The following CPM variants were observed in gnomAD, a reference collection of about 807,000 sequenced individuals.
The protein encoded by CPM is renal carboxypeptidase.
In CPM, 35 loss-of-function variants were observed where a neutral mutation model predicts 46.4. That is an observed-to-expected ratio of 0.75 (90% CI 0.58 to 1.00). The LOEUF is 1.00. Ranked by LOEUF, CPM falls within the 50% of genes least tolerant of loss-of-function variation. The probability of loss-of-function intolerance (pLI) is 0.00; values close to 1 mark genes in which losing one functional copy is unlikely to be tolerated. For synonymous variants in CPM, 195 were observed against 195.3 expected, an observed-to-expected ratio of 1.00 and a Z score of 0.01; for missense variants, 422 against 530.4, an observed-to-expected ratio of 0.80 and a Z score of 2.01.
chr12:68,901,187 A>G (rs909616894), intron 2 of CPM, among the ~76,000 whole-genome samples: 3 of 152,214 alleles, frequency 2.0e-5, no homozygotes, highest in African/African-American at 7.2e-5. Flanking sequence ...CAGTAGGTAC[A>G]GCAAATTTGC....
intron 2 of CPM, chr12:68,913,867 A>G (rs1395702615): frequency 1.5e-6 from 1 of 668,906 alleles, no homozygotes; most frequent in South Asian, 1.4e-5. Context: ...GGGGAATTAC[A>G]TCAAGAGCCA....
chr12:68,888,222 C>A (rs1275593297), intron 2 of CPM, among the ~76,000 whole-genome samples: 1 of 151,916 alleles, frequency 6.6e-6, no homozygotes. Context: ...TGCAAGCTGG[C>A]CTATTACATA....
At chr12:68,935,561 G>T (rs1473496486), upstream of CPM, among the ~76,000 whole-genome samples, 1 of 152,074 alleles carries the variant, frequency 6.6e-6, no homozygotes, top group Non-Finnish European at 1.5e-5. Context: ...AAAGTGCTGG[G>T]ATTACATGAG....
At chr12:68,925,770 G>A (rs1295250874) in intron 2 of CPM, among the ~76,000 whole-genome samples, 1 of 151,940 alleles carries the variant, frequency 6.6e-6, no homozygotes, top group Non-Finnish European at 1.5e-5. Flanking sequence ...CCTTTTGTAC[G>A]CAGGAAAAAA....
At position 68,929,205 on chromosome 12, in the gene CPM, C is replaced by T. The variant is rs74644387; in HGVS notation, c.160+3473G>A. Among the ~76,000 whole-genome samples the T allele has an allele frequency of 1.8e-4, 28 of 152,192 alleles. No homozygotes were observed. The East Asian group carries it at 5.0e-3, about 27-fold the overall frequency. On this transcript the variant is annotated intron_variant, in intron 2 of 8. Transcript: ENST00000551568. Reference sequence around the variant, plus strand: ...TGTGGAGAGACTACCCTGAGAAATTCACAGTAAATACATTTGTATTTGAAA... The same window carrying T: ...TGTGGAGAGACTACCCTGAGAAATTTACAGTAAATACATTTGTATTTGAAA...
At chr12:68,878,062 A>T (rs1377199295) in intron 3 of CPM, among the ~76,000 whole-genome samples, 1 of 152,242 alleles carries the variant, frequency 6.6e-6, no homozygotes, top group Admixed American at 6.5e-5. Flanking sequence ...GAATACAATA[A>T]ACTATAAACC....
chr12:68,857,699 C>A (rs1885039111), intron 8 of CPM, among the ~76,000 whole-genome samples: 1 of 152,086 alleles, frequency 6.6e-6, no homozygotes, highest in Non-Finnish European at 1.5e-5. Flanking sequence ...TTTCAATGTC[C>A]AGAGTCTTAC....
At chr12:68,891,605 T>C (rs1321986825) in intron 2 of CPM, among the ~76,000 whole-genome samples, 1 of 152,184 alleles carries the variant, frequency 6.6e-6, no homozygotes, top group Non-Finnish European at 1.5e-5. Flanking sequence ...CAAAGTGTGG[T>C]CATGGTACCA....
At position 68,852,892 on chromosome 12, in the gene CPM, AT is replaced by A; in HGVS notation, c.*3544del. 6.6e-6 allele frequency: 1 copy of A among 151,570 alleles called. No individual in the cohort carries two copies. Among genetic ancestry groups the A allele is most frequent in the Non-Finnish European group, 1.5e-5 (1 of 67,932 alleles). 9.4% of individuals were successfully genotyped at this position (151,570 alleles called of 1,614,324 possible). A position where few individuals can be genotyped will look rare whatever the true frequency, so the allele number is the denominator to read the frequency against. ...TTTCTAAATACCATTTCACTCCCAC[AT>A]TTTTCTCCCATCATGAAAGTGTGTA... On this transcript the variant is annotated 3_prime_UTR_variant, in exon 9 of 9. Transcript: ENST00000551568.
At position 68,871,531 on chromosome 12, in the gene CPM, G is replaced by A. The variant is rs144391561; in HGVS notation, c.431+253C>T. On this transcript the variant is annotated intron_variant, in intron 4 of 8. Coordinates refer to ENST00000551568, the MANE Select transcript of CPM (RefSeq NM_198320.5). Reference sequence around the variant, plus strand: ...AAGGAGGCCTAGAGGGGAGGAGGCAGGGGAGAGAGAAGGAGTGGCAAATGA... The same window carrying A: ...AAGGAGGCCTAGAGGGGAGGAGGCAAGGGAGAGAGAAGGAGTGGCAAATGA... Among the ~76,000 whole-genome samples, 134 of 152,280 alleles carry A rather than the reference G, an allele frequency of 8.8e-4. 1 individual carries two copies. Among genetic ancestry groups the A allele is most frequent in the Middle Eastern group, 3.4e-3 (1 of 294 alleles).
intron 2 of CPM, among the ~76,000 whole-genome samples, chr12:68,889,948 A>T (rs1886586524): frequency 6.6e-6 from 1 of 152,092 alleles, no homozygotes. Flanking sequence ...TCAGACTAGG[A>T]CACTTCCTGT....
chr12:68,858,962 C>A lies in CPM; in HGVS notation c.1050G>T (p.Glu350Asp). 1 of 1,546,922 alleles carries A rather than the reference C, an allele frequency of 6.5e-7. No homozygotes were observed. Among genetic ancestry groups the A allele is most frequent in the South Asian group, 1.3e-5 (1 of 78,748 alleles). Residue 350 changes from glutamate to aspartate, a missense_variant, in exon 8 of 9, where the codon GAG (glutamate) becomes GAT (aspartate). Physicochemically the swap from Glu to Asp is conservative, Grantham distance 45. Transcript: ENST00000551568. ...ACCCAGGCAAGAGAAGGAGATAATACTCTCCATATTTGTTGGTTCTATAGG... is the reference window on the plus strand; with the variant it reads ...ACCCAGGCAAGAGAAGGAGATAATAATCTCCATATTTGTTGGTTCTATAGG... ...ICPYRTNKYG[E>D]YYLLLLPGSY...
chr12:68,856,557 T>C lies in CPM; in HGVS notation c.1212A>G (p.Pro404=), dbSNP rs765545433. 7 of 1,614,142 alleles carry C rather than the reference T, an allele frequency of 4.3e-6. No individual in the cohort carries two copies. Among genetic ancestry groups the C allele is most frequent in the Non-Finnish European group, 5.9e-6 (7 of 1,180,048 alleles). ...TCATTGGGCATGAAGGATTTGATAC[T>C]GGGATAGAATCCAATTGCCCTTGGA... The part of the protein sequence containing the change: ...LPFQGQLDSI[P]VSNPSCPMIP... Residue 404 remains proline (P), a synonymous_variant, in exon 9 of 9, where the codon CCA becomes CCG. Coordinates refer to ENST00000551568, the MANE Select transcript of CPM (RefSeq NM_198320.5).
chr12:68,847,183 ATG>A (rs1429852956), downstream of CPM: 2 of 60,176 alleles, frequency 3.3e-5, no homozygotes, highest in African/African-American at 2.0e-4. Flanking sequence ...TTATGTATGT[ATG>A]TGTGTGTACA....
chr12:68,901,860 GAGA>G (rs1244859097), intron 2 of CPM, among the ~76,000 whole-genome samples: 2 of 152,074 alleles, frequency 1.3e-5, no homozygotes, highest in Non-Finnish European at 2.9e-5. Flanking sequence ...AGTATTACAG[GAGA>G]AGAAGGGGAG....
intron 3 of CPM, among the ~76,000 whole-genome samples, chr12:68,875,513 T>A (rs570107680): frequency 1.3e-5 from 2 of 151,236 alleles, no homozygotes; most frequent in Non-Finnish European, 2.9e-5. Flanking sequence ...TTTAGAAAAA[T>A]CTGATCATCA....
chr12:68,892,908 T>C (rs900814877), intron 2 of CPM, among the ~76,000 whole-genome samples: 1 of 150,308 alleles, frequency 6.7e-6, no homozygotes, highest in African/African-American at 2.5e-5. Flanking sequence ...TAAGTGGGAG[T>C]TCAACAATGA....
intron 1 of CPM, among the ~76,000 whole-genome samples, chr12:68,961,292 C>T (rs1417589250): frequency 1.3e-5 from 2 of 152,086 alleles, no homozygotes; most frequent in African/African-American, 4.8e-5. Context: ...ACTGCAGGCA[C>T]ATGCCCCCAT....
At chr12:68,935,809 TG>T (rs1005677576), upstream of CPM, among the ~76,000 whole-genome samples, 1 of 152,126 alleles carries the variant, frequency 6.6e-6, no homozygotes, top group Non-Finnish European at 1.5e-5. Context: ...GAAAGGGAAC[TG>T]GGTGGGAACA....
Sources: gnomAD v4.1 joint callset for allele counts (sites outside exome capture counted in the v4.1 genomes callset) on GRCh38, gnomAD v4.1.1 for gene constraint, MANE v1.5 for transcripts, NCBI Gene and HGNC (gene_info 2026-07-23, HGNC 2026-07-21) for gene names.